Variants in NOL10 observed in about 807,000 individuals in gnomAD.
NOL10 encodes the protein H_NH0074G24.1.
A neutral mutation model predicts 103.5 loss-of-function variants in NOL10; 58 were observed. The ratio of observed to expected loss-of-function variants is 0.56; its 90% CI spans 0.45 to 0.70. The LOEUF (loss-of-function observed/expected upper bound fraction) is 0.70, where lower values mean the gene tolerates loss of function less well. Ranked by LOEUF, NOL10 falls within the 30% of genes least tolerant of loss-of-function variation. The pLI is 0.00. For synonymous variants in NOL10, 287 were observed against 282.5 expected (o/e 1.02, Z -0.16); for missense variants, 763 against 807.3 (o/e 0.95, Z 0.67).
chr2:10,573,074 A>AG (rs1674264811), intron 20 of NOL10, among the ~76,000 whole-genome samples: 1 of 152,162 alleles, frequency 6.6e-6, no homozygotes, highest in East Asian at 1.9e-4. Context: ...AAAAAAAAAA[A>AG]AATTTCTTAG....
chr2:10,668,325 C>T (rs1680685052), intron 7 of NOL10, among the ~76,000 whole-genome samples: 1 of 151,942 alleles, frequency 6.6e-6, no homozygotes, highest in Non-Finnish European at 1.5e-5. Flanking sequence ...AATGGCACTC[C>T]AAATTAATTC....
chr2:10,609,168 G>T (rs943726419), intron 13 of NOL10, among the ~76,000 whole-genome samples: 1 of 151,880 alleles, frequency 6.6e-6, no homozygotes, highest in African/African-American at 2.4e-5. Flanking sequence ...GTGTGCACTT[G>T]CATGTCCACA....
At chr2:10,630,318 G>C (rs1382550329) in intron 13 of NOL10, among the ~76,000 whole-genome samples, 1 of 152,110 alleles carries the variant, frequency 6.6e-6, no homozygotes, top group African/African-American at 2.4e-5. Flanking sequence ...TTCAAACTCG[G>C]GTCCAACCAA....
At chr2:10,637,544 G>C (rs1194736217) in intron 13 of NOL10, among the ~76,000 whole-genome samples, 1 of 152,192 alleles carries the variant, frequency 6.6e-6, no homozygotes, top group African/African-American at 2.4e-5. Context: ...GGCGTCAGAA[G>C]GCCTCACCTC....
chr2:10,632,327 C>A (rs1399015592), intron 13 of NOL10, among the ~76,000 whole-genome samples: 1 of 152,164 alleles, frequency 6.6e-6, no homozygotes, highest in Non-Finnish European at 1.5e-5. Context: ...GGCTCACGAG[C>A]CATATGGTCT....
chr2:10,594,373 T>C (rs543300947), intron 17 of NOL10, among the ~76,000 whole-genome samples: 17 of 152,316 alleles, frequency 1.1e-4, no homozygotes, highest in Admixed American at 8.5e-4. Flanking sequence ...AACTGAAGGT[T>C]CTTGTAATTC....
chr2:10,608,688 T>C (rs116107670), intron 13 of NOL10, among the ~76,000 whole-genome samples: 22 of 152,266 alleles, frequency 1.4e-4, no homozygotes, highest in African/African-American at 5.1e-4. Context: ...AAGAGAATTA[T>C]AACAAAGAAA....
intron 13 of NOL10, among the ~76,000 whole-genome samples, chr2:10,627,884 T>A (rs1234317740): frequency 2.6e-5 from 4 of 151,274 alleles, no homozygotes; most frequent in East Asian, 1.9e-4. Flanking sequence ...ACCCCCTGAA[T>A]CTAAAAAAAG....
At chr2:10,596,165 A>G (rs715247) in intron 17 of NOL10, among the ~76,000 whole-genome samples, 87,382 of 147,712 alleles carry the variant, frequency 0.59, 26,696 homozygotes, top group African/African-American at 0.74. Context: ...TGGGTTCCTA[A>G]CCACAGAATA....
In NOL10 at chr2:10,571,978, C is replaced by T. The variant is rs907800905; in HGVS notation, c.*93G>A. 28 of 1,404,102 alleles carry T rather than the reference C, an allele frequency of 2.0e-5. No individual in the cohort carries two copies. In the African/African-American group the frequency reaches 3.3e-4, roughly 17 times the overall value. 87.0% of individuals were successfully genotyped at this position (1,404,102 alleles called of 1,614,324 possible). A position where few individuals can be genotyped will look rare whatever the true frequency, so the allele number is the denominator to read the frequency against. ...CAAGAACGTACATGAACTTTAAAAA[C>T]GTGTGTTTCCTCGTCTGTGTTTAAC... On this transcript the variant is annotated 3_prime_UTR_variant, in exon 21 of 21. Coordinates refer to ENST00000381685, the MANE Select transcript of NOL10 (RefSeq NM_024894.4).
intron 13 of NOL10, among the ~76,000 whole-genome samples, chr2:10,611,921 T>TA (rs530439652): frequency 5.3e-5 from 8 of 151,484 alleles, no homozygotes; most frequent in East Asian, 3.9e-4. Context: ...CTTCCCTGCT[T>TA]AAAAAAACAA....
intron 13 of NOL10, among the ~76,000 whole-genome samples, chr2:10,637,132 T>C (rs1313730089): frequency 7.8e-6 from 1 of 127,854 alleles, no homozygotes; most frequent in Non-Finnish European, 1.5e-5. Context: ...ACCCAGGAGA[T>C]GGAGGTTGAT....
intron 12 of NOL10, among the ~76,000 whole-genome samples, chr2:10,646,667 A>T (rs1679089843): frequency 6.6e-6 from 1 of 152,216 alleles, no homozygotes; most frequent in Non-Finnish European, 1.5e-5. Flanking sequence ...AGGAGAAGAG[A>T]AGAGCATGAG....
chr2:10,635,785 A>C (rs1678170886), intron 13 of NOL10, among the ~76,000 whole-genome samples: 1 of 152,216 alleles, frequency 6.6e-6, no homozygotes. Context: ...TACTGAACAA[A>C]TACAAGCACT....
intron 19 of NOL10, among the ~76,000 whole-genome samples, chr2:10,587,124 TATATAC>T (rs1421328333): frequency 2.7e-4 from 14 of 51,488 alleles, no homozygotes; most frequent in African/African-American, 1.3e-3. Flanking sequence ...TATATACATA[TATATAC>T]ATATATACAC....
At position 10,689,883 on chromosome 2, in the gene NOL10, A is replaced by T. The variant is rs1004514047; in HGVS notation, c.-22T>A. The T allele has an allele frequency of 1.1e-5, 17 of 1,595,658 alleles. No homozygotes were observed. Among genetic ancestry groups the T allele is most frequent in the Non-Finnish European group, 1.5e-5 (17 of 1,171,228 alleles). ...GCATGGCGCCGCACAACACTGTTCA[A>T]GTCCCGGGTCCTTTCCCACCAGCGT... On this transcript the variant is annotated 5_prime_UTR_variant, in exon 1 of 21. It adds an upstream start codon to the 5' untranslated region. Transcript: ENST00000381685.
At chr2:10,593,554 G>C (rs1330548161) in intron 17 of NOL10, among the ~76,000 whole-genome samples, 1 of 151,900 alleles carries the variant, frequency 6.6e-6, no homozygotes, top group Non-Finnish European at 1.5e-5. Context: ...AACTTCACTA[G>C]AACAACAGAA....
At position 10,667,203 on chromosome 2, in the gene NOL10, T is replaced by C; in HGVS notation, c.591+15A>G. 1 of 1,549,558 alleles carries C rather than the reference T, an allele frequency of 6.5e-7. No individual in the cohort carries two copies. Among genetic ancestry groups the C allele is most frequent in the South Asian group, 1.2e-5 (1 of 84,016 alleles). On this transcript the variant is annotated intron_variant, in intron 8 of 20. Transcript: ENST00000381685. ...AAAACAAATATTCTAAAAAATAAAG[T>C]CAACATATGCTTACCTCTATGGTTC...
Position 10,657,209 on chromosome 2 carries a change from C to T in NOL10, c.906+533G>A, listed in dbSNP as rs117256056. ...TGACATGCACCTGTAATCACAGCTA[C>T]TCTGAGGCTAAGGCACGAGAATTGC... On this transcript the variant is annotated intron_variant, in intron 11 of 20. Transcript: ENST00000381685. 5.2e-4 allele frequency among the ~76,000 whole-genome samples: 79 copies of T among 152,118 alleles called. 2 individuals carry two copies. In the East Asian group the frequency reaches 0.014, roughly 26 times the overall value.
Sources: gnomAD v4.1 joint callset for allele counts (sites outside exome capture counted in the v4.1 genomes callset) on GRCh38, gnomAD v4.1.1 for gene constraint, MANE v1.5 for transcripts, NCBI Gene and HGNC (gene_info 2026-07-23, HGNC 2026-07-21) for gene names.